The following IKBKB-DT variants were observed in gnomAD, a reference collection of about 807,000 sequenced individuals.
IKBKB-DT encodes IKBKB antisense RNA.
chr8:42,269,361 G>A (rs1442487330), intron 1 of IKBKB-DT, among the ~76,000 whole-genome samples: 1 of 138,178 alleles, frequency 7.2e-6, no homozygotes, highest in Non-Finnish European at 1.6e-5. Flanking sequence ...GAAAGGAAAG[G>A]AAGAAAGGAA....
chr8:42,269,346 AAAAGGAAAGGAAAGGAAGAAAGG>A (rs1273701237), intron 1 of IKBKB-DT, among the ~76,000 whole-genome samples: 1 of 146,264 alleles, frequency 6.8e-6, no homozygotes, highest in East Asian at 2.0e-4. Context: ...AAAAGGAAAG[AAAAGGAAAGGAAAGGAAGAAAGG>A]AAAGGAAAGG....
At chr8:42,267,409 C>T (rs547601988) in intron 1 of IKBKB-DT, among the ~76,000 whole-genome samples, 3 of 152,144 alleles carry the variant, frequency 2.0e-5, no homozygotes, top group East Asian at 1.9e-4. Context: ...TTTCCTATAA[C>T]GGTACTGTAC....
chr8:42,242,754 G>C (rs912789219), intron 3 of IKBKB-DT, among the ~76,000 whole-genome samples: 2 of 152,212 alleles, frequency 1.3e-5, no homozygotes, highest in Admixed American at 6.5e-5. Flanking sequence ...AGTCACTGCT[G>C]GTGCTCTGAG....
intron 3 of IKBKB-DT, among the ~76,000 whole-genome samples, chr8:42,260,391 C>T (rs536861148): frequency 7.9e-5 from 12 of 152,094 alleles, no homozygotes; most frequent in African/African-American, 1.2e-4. Context: ...CAAGGCCGGG[C>T]GCAGTGGCTC....
chr8:42,264,339 A>G (rs1210578165), intron 2 of IKBKB-DT, among the ~76,000 whole-genome samples: 2 of 151,522 alleles, frequency 1.3e-5, no homozygotes, highest in Admixed American at 1.3e-4. Context: ...ATTTTTTTGT[A>G]GAGATGGGGT....
intron 3 of IKBKB-DT, among the ~76,000 whole-genome samples, chr8:42,237,178 C>T (rs2129899754): frequency 6.6e-6 from 1 of 152,184 alleles, no homozygotes; most frequent in Admixed American, 6.5e-5. Flanking sequence ...TCTCCGCCTC[C>T]CGGGTTCAAG....
At chr8:42,249,378 G>A (rs1807101719) in intron 3 of IKBKB-DT, 2 of 151,460 alleles carry the variant, frequency 1.3e-5, no homozygotes, top group South Asian at 2.1e-4. Flanking sequence ...CAAAAAAAAA[G>A]ACAAAATATC....
chr8:42,269,467 A>AGGGGC (rs1563280972), intron 1 of IKBKB-DT, among the ~76,000 whole-genome samples: 1 of 33,026 alleles, frequency 3.0e-5, no homozygotes, highest in Non-Finnish European at 5.9e-5. Context: ...AGGGGAGGGG[A>AGGGGC]GGGGAGGAAA....
chr8:42,245,137 C>T (rs1293274281), intron 3 of IKBKB-DT, among the ~76,000 whole-genome samples: 1 of 151,998 alleles, frequency 6.6e-6, no homozygotes, highest in Non-Finnish European at 1.5e-5. Context: ...TGCCTGCAGT[C>T]CCAGCTACTC....
intron 3 of IKBKB-DT, among the ~76,000 whole-genome samples, chr8:42,235,151 T>TTTTTTC (rs57506795): frequency 0.055 from 7,531 of 136,602 alleles, 646 homozygotes; most frequent in African/African-American, 0.21. Flanking sequence ...TTTTTTCTTT[T>TTTTTTC]TTTTTTCTAA....
intron 3 of IKBKB-DT, among the ~76,000 whole-genome samples, chr8:42,250,980 C>G (rs1177597651): frequency 1.3e-5 from 2 of 152,184 alleles, no homozygotes; most frequent in Admixed American, 6.6e-5. Context: ...CACCTGTAAT[C>G]CCAGCACTTT....
intron 1 of IKBKB-DT, among the ~76,000 whole-genome samples, chr8:42,267,383 T>C (rs1412852973): frequency 6.6e-6 from 1 of 152,148 alleles, no homozygotes; most frequent in Non-Finnish European, 1.5e-5. Context: ...TCTCTTGGGG[T>C]CTGGATCGGG....
chr8:42,236,433 T>TTGTCGAAAC (rs1806922336), intron 3 of IKBKB-DT, among the ~76,000 whole-genome samples: 1 of 152,214 alleles, frequency 6.6e-6, no homozygotes, highest in African/African-American at 2.4e-5. Flanking sequence ...TTTGGGAAAG[T>TTGTCGAAAC]TGTCGAAACT....
chr8:42,246,068 G>T (rs966729621), intron 3 of IKBKB-DT, among the ~76,000 whole-genome samples: 5 of 152,170 alleles, frequency 3.3e-5, no homozygotes, highest in African/African-American at 1.2e-4. Context: ...ACAGGATCTT[G>T]CTCTGTCACC....
rs113489583 is a variant in IKBKB-DT at position 42,257,652 on chromosome 8, G to A, written n.1529+5677C>T. Among the ~76,000 whole-genome samples the A allele has an allele frequency of 4.0e-3, 607 of 152,050 alleles. 6 individuals are homozygous for A. The highest frequency in any genetic ancestry group is 0.024 in the Middle Eastern group (7 of 294). ...AAAGTTGTCAAAAATGCCAAAAGAC[G>A]GCTGGGCTCAGTGGCTCATGCCTAT... On this transcript the variant is annotated intron_variant and non_coding_transcript_variant, in intron 3 of 3. Transcript: ENST00000518213.
intron 3 of IKBKB-DT, among the ~76,000 whole-genome samples, chr8:42,234,076 G>A (rs549649691): frequency 3.0e-4 from 46 of 152,328 alleles, no homozygotes; most frequent in African/African-American, 9.1e-4. Context: ...CAAGAAGGAG[G>A]TCTGCTTTGG....
intron 3 of IKBKB-DT, among the ~76,000 whole-genome samples, chr8:42,259,897 G>C (rs1229803040): frequency 2.0e-5 from 3 of 150,950 alleles, no homozygotes; most frequent in Non-Finnish European, 2.9e-5. Context: ...CAGGAGAATT[G>C]CTTGAACCCC....
chr8:42,266,810 T>C (rs1416178771), intron 1 of IKBKB-DT, among the ~76,000 whole-genome samples: 1 of 151,996 alleles, frequency 6.6e-6, no homozygotes, highest in Admixed American at 6.6e-5. Flanking sequence ...ACCATGACAG[T>C]TTACAAATGC....
At chr8:42,234,345 C>G (rs1806891463) in intron 3 of IKBKB-DT, among the ~76,000 whole-genome samples, 1 of 152,054 alleles carries the variant, frequency 6.6e-6, no homozygotes, top group South Asian at 2.1e-4. Context: ...CCCACTGTAA[C>G]AAAAATAAAA....
Sources: allele counts gnomAD v4.1 joint callset (sites outside exome capture counted in the v4.1 genomes callset), GRCh38; gene constraint gnomAD v4.1.1; transcripts MANE v1.5; gene names NCBI Gene and HGNC (gene_info 2026-07-23, HGNC 2026-07-21).